The following RIMKLA variants were observed in gnomAD, a reference collection of about 807,000 sequenced individuals.
RIMKLA encodes N-acetylaspartylglutamate synthase A.
RIMKLA carries 14 observed loss-of-function variants against 32.7 expected under a neutral mutation model. The observed-to-expected ratio is 0.43, with a 90% CI of 0.28 to 0.67. The LOEUF (loss-of-function observed/expected upper bound fraction) is 0.67. Among genes scored for constraint, RIMKLA ranks in the 30% least tolerant of loss-of-function variants. The pLI is 0.18. For missense variants in RIMKLA, 410 were observed against 519.0 expected, an observed-to-expected ratio of 0.79 and a Z score of 2.04; for synonymous variants, 176 against 204.1, an observed-to-expected ratio of 0.86 and a Z score of 1.18.
In RIMKLA at chr1:42,416,119, A is replaced by G. The variant is rs1643246482; in HGVS notation, c.*1145A>G. ...GGGGGCTAATGTAGACATGACACCA[A>G]GTGCTTTTCATTTTAATTCTCTAAG... On this transcript the variant is annotated 3_prime_UTR_variant, in exon 5 of 5. Transcript: ENST00000431473. 1.3e-5 allele frequency: 2 copies of G among 149,628 alleles called. No individual in the cohort carries two copies. Among genetic ancestry groups the G allele is most frequent in the African/African-American group, 2.4e-5 (1 of 41,182 alleles). The allele number at this position is 149,628 out of a possible 1,614,324, so 9.3% of individuals were successfully genotyped here.
chr1:42,410,356 C>T lies in RIMKLA; in HGVS notation c.685+169C>T, dbSNP rs557500692. ...GCAAGCAATCCTGGAGGGGAGCGTA[C>T]AAGTGTAAGCGCTGTGGCAGAGGTC... On this transcript the variant is annotated intron_variant, in intron 4 of 4. Coordinates refer to ENST00000431473, the MANE Select transcript of RIMKLA (RefSeq NM_173642.4). Among the ~76,000 whole-genome samples the T allele has an allele frequency of 5.9e-5, 9 of 152,184 alleles. No homozygotes were observed. In the South Asian group the frequency reaches 1.9e-3, roughly 32 times the overall value.
rs1184237388 is a variant in RIMKLA, at chr1:42,385,844, C to CTCTCTCTT, written c.163+4750_163+4751insCTCTTTCT. Among the ~76,000 whole-genome samples the CTCTCTCTT allele has an allele frequency of 8.4e-3, 479 of 57,078 alleles. 65 individuals are homozygous for CTCTCTCTT. The highest frequency in any genetic ancestry group is 0.013 in the Non-Finnish European group (361 of 27,626). 37.4% of individuals were successfully genotyped at this position (57,078 alleles called of 152,430 possible). A position where few individuals can be genotyped will look rare whatever the true frequency, so the allele number is the denominator to read the frequency against. The stretch of plus-strand genomic sequence containing the variant: ...CCTTCCTTCCTTTCTTTCTTTCTTT[C>CTCTCTCTT]TCTTTCTTTCTTTCTTTCTTTCTTT... On this transcript the variant is annotated intron_variant, in intron 1 of 4. Transcript: ENST00000431473.
chr1:42,410,850 A>G (rs1313050930), intron 4 of RIMKLA, among the ~76,000 whole-genome samples: 2 of 152,136 alleles, frequency 1.3e-5, no homozygotes, highest in Non-Finnish European at 2.9e-5. Flanking sequence ...CACAATCACT[A>G]GTTATTATTT....
rs1309628843 is a variant in RIMKLA at position 42,422,820 on chromosome 1, A to C, written c.*7846A>C. Among the ~76,000 whole-genome samples, 1 of 152,212 alleles carries C rather than the reference A, an allele frequency of 6.6e-6. No individual in the cohort carries two copies. The highest frequency in any genetic ancestry group is 1.5e-5 in the Non-Finnish European group (1 of 68,036). ...ATACTGCCAACTCTCAACTGTCAAG[A>C]TGATGGAGGAAAATACTAATGCAGA... On this transcript the variant is annotated 3_prime_UTR_variant, in exon 5 of 5. Transcript: ENST00000431473.
rs1295176740 is a variant in RIMKLA, at chr1:42,385,797, T to C, written c.163+4700T>C. Among the ~76,000 whole-genome samples the C allele has an allele frequency of 1.1e-4, 13 of 114,388 alleles. 1 individual carries two copies. Among genetic ancestry groups the C allele is most frequent in the Non-Finnish European group, 2.6e-4 (13 of 50,310 alleles). 75.0% of individuals were successfully genotyped at this position (114,388 alleles called of 152,430 possible). On this transcript the variant is annotated intron_variant, in intron 1 of 4. Coordinates refer to ENST00000431473, the MANE Select transcript of RIMKLA (RefSeq NM_173642.4). ...TTTCTTTGTTTGTTTGTTTCTTTCT[T>C]TCTCTCTCTCTTTCCTTCCTTCCTT...
At chr1:42,382,857 C>CT (rs1027928228) in intron 1 of RIMKLA, among the ~76,000 whole-genome samples, 9 of 151,476 alleles carry the variant, frequency 5.9e-5, no homozygotes, top group Non-Finnish European at 7.4e-5. Context: ...ACCAGGAGTT[C>CT]TTTTTTTTGT....
intron 1 of RIMKLA, among the ~76,000 whole-genome samples, chr1:42,396,996 A>G (rs1643053766): frequency 6.8e-6 from 1 of 147,700 alleles, no homozygotes; most frequent in Non-Finnish European, 1.5e-5. Context: ...TGTCAAAGGA[A>G]TTTTTCAAAG....
chr1:42,413,582 G>A (rs1035831020), intron 4 of RIMKLA, among the ~76,000 whole-genome samples: 2 of 150,548 alleles, frequency 1.3e-5, no homozygotes, highest in African/African-American at 2.4e-5. Flanking sequence ...GGTATTTATC[G>A]TCCCCACCAT....
In RIMKLA at chr1:42,421,750, G is replaced by C. The variant is rs1643297204; in HGVS notation, c.*6776G>C. The stretch of plus-strand genomic sequence containing the variant: ...GAATTTCCAGGAATTTTGTAAGCTG[G>C]TTGGTAAACACAGCCACAGTGACCA... On this transcript the variant is annotated 3_prime_UTR_variant, in exon 5 of 5. Coordinates refer to ENST00000431473, the MANE Select transcript of RIMKLA (RefSeq NM_173642.4). The surrounding 1 kb of genome is among the most constrained non-coding windows in gnomAD (Gnocchi z 4.6). 6.6e-6 allele frequency: 1 copy of C among 152,198 alleles called. No homozygotes were observed. 9.4% of individuals were successfully genotyped at this position (152,198 alleles called of 1,614,324 possible). A position where few individuals can be genotyped will look rare whatever the true frequency, so the allele number is the denominator to read the frequency against.
At chr1:42,394,486 T>C (rs758460759) in intron 1 of RIMKLA, among the ~76,000 whole-genome samples, 8 of 152,260 alleles carry the variant, frequency 5.3e-5, no homozygotes, top group South Asian at 2.1e-4. Flanking sequence ...AACGAGATAA[T>C]GTGTGAAAGT....
intron 1 of RIMKLA, among the ~76,000 whole-genome samples, chr1:42,384,776 C>A (rs942142365): frequency 6.6e-6 from 1 of 151,950 alleles, no homozygotes; most frequent in African/African-American, 2.4e-5. Context: ...TAATTCTGGT[C>A]TAAACACTTT....
At position 42,399,591 on chromosome 1, in the gene RIMKLA, A is replaced by G. The variant is rs956395509; in HGVS notation, c.351A>G (p.Glu117=). 2 of 1,612,488 alleles carry G rather than the reference A, an allele frequency of 1.2e-6. No homozygotes were observed. Among genetic ancestry groups the G allele is most frequent in the Non-Finnish European group, 1.7e-6 (2 of 1,179,422 alleles). ...NCINKFWTFQ[E]LAGHGVPMPD... ...TCAACAAATTCTGGACGTTCCAAGA[A>G]CTGGCTGGACATGGGGTCCCCATGC... The change falls in exon 2 of 5, where the codon GAA becomes GAG. Residue 117 remains glutamate, a synonymous_variant. Transcript: ENST00000431473.
intron 1 of RIMKLA, among the ~76,000 whole-genome samples, chr1:42,382,581 T>C (rs1420004931): frequency 6.6e-6 from 1 of 152,230 alleles, no homozygotes; most frequent in Non-Finnish European, 1.5e-5. Flanking sequence ...AGGATGAACT[T>C]TTTGCTTATT....
At position 42,423,234 on chromosome 1, in the gene RIMKLA, A is replaced by T. The variant is rs1266905165; in HGVS notation, c.*8260A>T. On this transcript the variant is annotated 3_prime_UTR_variant, in exon 5 of 5. Coordinates refer to ENST00000431473, the MANE Select transcript of RIMKLA (RefSeq NM_173642.4). The stretch of plus-strand genomic sequence containing the variant: ...GCAGCCGAGGATGATTTGGGGTATG[A>T]CATTATGTACCATTCATATTGTCCT... Among the ~76,000 whole-genome samples, 2 of 152,186 alleles carry T rather than the reference A, an allele frequency of 1.3e-5. No individual in the cohort carries two copies. Among genetic ancestry groups the T allele is most frequent in the Non-Finnish European group, 2.9e-5 (2 of 68,032 alleles).
In RIMKLA at chr1:42,416,533, C is replaced by T. The variant is rs1297883797; in HGVS notation, c.*1559C>T. 1 of 151,698 alleles carries T rather than the reference C, an allele frequency of 6.6e-6. No homozygotes were observed. The highest frequency in any genetic ancestry group is 2.4e-5 in the African/African-American group (1 of 41,280). 9.4% of individuals were successfully genotyped at this position (151,698 alleles called of 1,614,324 possible). On this transcript the variant is annotated 3_prime_UTR_variant, in exon 5 of 5. Coordinates refer to ENST00000431473, the MANE Select transcript of RIMKLA (RefSeq NM_173642.4). ...TCATTCCTCAAAAAATAGATCTACC[C>T]TTAAAGGACAAAGATTTACCAACAC... is the stretch of plus-strand genomic sequence containing the variant.
intron 3 of RIMKLA, among the ~76,000 whole-genome samples, chr1:42,407,274 A>G (rs987548385): frequency 2.6e-5 from 4 of 152,144 alleles, no homozygotes; most frequent in Admixed American, 2.6e-4. Flanking sequence ...TCACATTCCC[A>G]TAGGTTGTCT....
intron 1 of RIMKLA, among the ~76,000 whole-genome samples, chr1:42,398,552 C>T (rs1422046887): frequency 2.0e-5 from 3 of 152,144 alleles, no homozygotes; most frequent in African/African-American, 7.2e-5. Context: ...GGTATATTTC[C>T]TTCTAGCTGT....
intron 1 of RIMKLA, among the ~76,000 whole-genome samples, chr1:42,383,883 T>G (rs1642912180): frequency 6.6e-6 from 1 of 152,248 alleles, no homozygotes; most frequent in African/African-American, 2.4e-5. Context: ...AGTACCTTTC[T>G]CAGTAGATGT....
At chr1:42,385,752 TTTCTTTC>T (rs1642931732) in intron 1 of RIMKLA, among the ~76,000 whole-genome samples, 1 of 124,718 alleles carries the variant, frequency 8.0e-6, no homozygotes, top group African/African-American at 4.2e-5. Context: ...TCTTTCTTTC[TTTCTTTC>T]TTTCTTTCTT....
Sources: allele counts gnomAD v4.1 joint callset (sites outside exome capture counted in the v4.1 genomes callset), GRCh38; gene constraint gnomAD v4.1.1; non-coding constraint Gnocchi (gnomAD v3.1); transcripts MANE v1.5; gene names NCBI Gene and HGNC (gene_info 2026-07-23, HGNC 2026-07-21).